The following CPE variants were observed in gnomAD, a reference collection of about 807,000 sequenced individuals.
CPE encodes the protein carbocypeptidase E.
CPE carries 17 observed loss-of-function variants against 53.5 expected under a neutral mutation model. That is an observed-to-expected ratio of 0.32 (90% CI 0.22 to 0.48). The LOEUF is 0.48. Among genes scored for constraint, CPE ranks in the 20% least tolerant of loss-of-function variants. The probability of loss-of-function intolerance (pLI) is 0.99; values close to 1 mark genes in which losing one functional copy is unlikely to be tolerated. For synonymous variants in CPE, 226 were observed against 228.8 expected (o/e 0.99, Z 0.11); for missense variants, 524 against 614.7 (o/e 0.85, Z 1.56).
chr4:165,497,475 A>G (rs1413324302), intron 8 of CPE, 37 bp from the exon 9 acceptor site: 3 of 1,169,674 alleles, frequency 2.6e-6, no homozygotes, highest in Non-Finnish European at 3.5e-6. Context: ...AAACACATGC[A>G]GTTTGATAAT....
chr4:165,456,357 A>T (rs1731901319), intron 1 of CPE, among the ~76,000 whole-genome samples: 1 of 152,150 alleles, frequency 6.6e-6, no homozygotes, highest in Admixed American at 6.5e-5. Flanking sequence ...ACTCCCCCTA[A>T]GTTGAATTCA....
intron 1 of CPE, among the ~76,000 whole-genome samples, chr4:165,435,944 A>G (rs188734002): frequency 1.7e-3 from 262 of 152,236 alleles, no homozygotes; most frequent in African/African-American, 6.0e-3. Context: ...GCTTTCCTTC[A>G]TAGAACACTT....
At chr4:165,401,305 A>T (rs17624928) in intron 1 of CPE, among the ~76,000 whole-genome samples, 74,235 of 152,018 alleles carry the variant, frequency 0.49, 18,950 homozygotes, top group African/African-American at 0.64. Flanking sequence ...AAGCCGGTGA[A>T]GGAAAAATAT....
chr4:165,430,584 G>A (rs970256256), intron 1 of CPE, among the ~76,000 whole-genome samples: 2 of 152,080 alleles, frequency 1.3e-5, no homozygotes, highest in Non-Finnish European at 2.9e-5. Flanking sequence ...TGTTAAAATT[G>A]TGTGGTGGTA....
intron 1 of CPE, among the ~76,000 whole-genome samples, chr4:165,456,202 A>C (rs1731898645): frequency 6.6e-6 from 1 of 152,174 alleles, no homozygotes; most frequent in African/African-American, 2.4e-5. Context: ...TATTTTAGAA[A>C]AACTATATAA....
intron 6 of CPE, among the ~76,000 whole-genome samples, chr4:165,489,073 A>G (rs2126715305): frequency 6.6e-6 from 1 of 152,294 alleles, no homozygotes; most frequent in East Asian, 1.9e-4. Context: ...AACTAAGGAT[A>G]AGCAGTCCAC....
At position 165,379,136 on chromosome 4, in the gene CPE, AGCGCCGGCGG is replaced by A; in HGVS notation, c.-83_-74del. On this transcript the variant is annotated 5_prime_UTR_variant, in exon 1 of 9. Transcript: ENST00000402744. This position sits in a 1 kb window ranked among gnomAD's most constrained non-coding sequence, Gnocchi z 6.0. Reference sequence around the variant, plus strand: ...TGGTGCGGAACTTGCCGCCCCCAGCAGCGCCGGCGGGCTAAGCCCAGGGCCGGGCAGACAA... The same window carrying A: ...TGGTGCGGAACTTGCCGCCCCCAGCAGCTAAGCCCAGGGCCGGGCAGACAA... The A allele has an allele frequency of 8.8e-7, 1 of 1,140,888 alleles. No individual in the cohort carries two copies. Among genetic ancestry groups the A allele is most frequent in the Non-Finnish European group, 1.1e-6 (1 of 914,536 alleles). The allele number at this position is 1,140,888 out of a possible 1,614,324, so 70.7% of individuals were successfully genotyped here.
intron 5 of CPE, among the ~76,000 whole-genome samples, chr4:165,485,670 G>A (rs1458850580): frequency 4.6e-5 from 7 of 152,054 alleles, no homozygotes; most frequent in African/African-American, 9.7e-5. Context: ...TGAACAAATA[G>A]TGTATTGTCA....
chr4:165,394,250 C>A (rs966462788), intron 1 of CPE, among the ~76,000 whole-genome samples: 6 of 152,102 alleles, frequency 3.9e-5, no homozygotes, highest in Non-Finnish European at 8.8e-5. Context: ...TGGTAAAATC[C>A]AAGATTGCCC....
rs374198483 is a variant in CPE at position 165,495,539 on chromosome 4, G to C, written c.1214-20G>C. The C allele has an allele frequency of 1.2e-5, 18 of 1,500,074 alleles. No homozygotes were observed. The East Asian group carries it at 3.2e-4, about 26-fold the overall frequency. The allele number at this position is 1,500,074 out of a possible 1,614,324, so 92.9% of individuals were successfully genotyped here. ...GCATATTTCATGTGCTTTGTGATTTGATATTCTGCCTTCCTACAGCAAAGG... is the reference window on the plus strand; with the variant it reads ...GCATATTTCATGTGCTTTGTGATTTCATATTCTGCCTTCCTACAGCAAAGG... On this transcript the variant is annotated intron_variant, in intron 7 of 8. Transcript: ENST00000402744.
chr4:165,415,226 T>C (rs1357680945), intron 1 of CPE: 1 of 167,080 alleles, frequency 6.0e-6, no homozygotes, highest in Non-Finnish European at 1.5e-5. Context: ...TATTTTTCTC[T>C]ACATGGGGGC....
rs913323992 is a variant in CPE at position 165,477,514 on chromosome 4, T to C, written c.673-4728T>C. ...TGTCTGTAAGTGTGAGACAGTGTTT[T>C]GACCCAGCTTGGTACAAAATATATA... On this transcript the variant is annotated intron_variant, in intron 3 of 8. Transcript: ENST00000402744. Among the ~76,000 whole-genome samples the C allele has an allele frequency of 4.6e-5, 7 of 152,208 alleles. 1 individual carries two copies. Among genetic ancestry groups the C allele is most frequent in the African/African-American group, 1.7e-4 (7 of 41,446 alleles).
rs1291017913 is a variant in CPE, at chr4:165,484,618, G to C, written c.973+14G>C. 2 of 1,611,150 alleles carry C rather than the reference G, an allele frequency of 1.2e-6. No homozygotes were observed. The highest frequency in any genetic ancestry group is 1.7e-6 in the Non-Finnish European group (2 of 1,178,068). On this transcript the variant is annotated intron_variant, in intron 5 of 8. Coordinates refer to ENST00000402744, the MANE Select transcript of CPE (RefSeq NM_001873.4). ...GCGTACCTGGAGGTGAGTTTCCATT[G>C]TGCTCTCTGATTATGTGATTGTAGC...
At position 165,495,634 on chromosome 4, in the gene CPE, C is replaced by A. The variant is rs1301681242; in HGVS notation, c.1289C>A (p.Ala430Glu). The change falls in exon 8 of 9, where the codon GCA becomes GAA. Residue 430 changes from alanine (A) to glutamate (E), a missense_variant. Physicochemically the swap from Ala to Glu is moderately radical, Grantham distance 107. Transcript: ENST00000402744. ...ACAGCCTCAGCTCCAGGCTATCTGG[C>A]AATAACAAAGAAAGTGGCAGTTCCT... ...KLTASAPGYLAITKKVAVPYS... is the reference protein window; with the variant it reads ...KLTASAPGYLEITKKVAVPYS... The A allele has an allele frequency of 1.2e-6, 2 of 1,613,622 alleles. No individual in the cohort carries two copies. Among genetic ancestry groups the A allele is most frequent in the African/African-American group, 2.7e-5 (2 of 74,900 alleles).
intron 1 of CPE, among the ~76,000 whole-genome samples, chr4:165,434,508 T>A (rs543776976): frequency 6.6e-6 from 1 of 152,274 alleles, no homozygotes. Context: ...ACAGAAAAGG[T>A]CATTTCATGT....
At chr4:165,472,411 A>C (rs187173088) in intron 3 of CPE, among the ~76,000 whole-genome samples, 3 of 149,328 alleles carry the variant, frequency 2.0e-5, no homozygotes, top group African/African-American at 7.2e-5. Flanking sequence ...TCAAAGACAC[A>C]GTTGCCAAGA....
Position 165,467,838 on chromosome 4 carries a change from G to A in CPE, c.655G>A (p.Val219Met). 6.2e-6 allele frequency: 10 copies of A among 1,613,486 alleles called. No homozygotes were observed. Among genetic ancestry groups the A allele is most frequent in the Non-Finnish European group, 8.5e-6 (10 of 1,179,674 alleles). The stretch of plus-strand genomic sequence containing the variant: ...TCTGTTGAAAAATATGAAGAAAATT[G>A]TGGATCAAAACACAAAGGTAGTGAC... ...NHLLKNMKKI[V>M]DQNTKLAPET... is the part of the protein sequence containing the mutation. The change falls in exon 3 of 9, where the codon GTG becomes ATG. Residue 219 changes from valine (V) to methionine (M), a missense_variant. Coordinates refer to ENST00000402744, the MANE Select transcript of CPE (RefSeq NM_001873.4).
intron 1 of CPE, among the ~76,000 whole-genome samples, chr4:165,432,849 C>T (rs1465426527): frequency 6.6e-6 from 1 of 152,132 alleles, no homozygotes; most frequent in Non-Finnish European, 1.5e-5. Flanking sequence ...CCAGGTGCCT[C>T]CTTATCCCTT....
intron 1 of CPE, among the ~76,000 whole-genome samples, chr4:165,435,097 A>T (rs79596692): frequency 0.042 from 6,383 of 152,284 alleles, 219 homozygotes; most frequent in East Asian, 0.16. Context: ...CTTCTTGTGC[A>T]GCCTGCAAAA....
Sources: gnomAD v4.1 joint callset for allele counts (sites outside exome capture counted in the v4.1 genomes callset) on GRCh38, gnomAD v4.1.1 for gene constraint, Gnocchi (gnomAD v3.1) non-coding constraint, MANE v1.5 for transcripts, NCBI Gene and HGNC (gene_info 2026-07-23, HGNC 2026-07-21) for gene names.